The following ENO3 variants were observed in gnomAD, a reference collection of about 807,000 sequenced individuals.
The protein encoded by ENO3 is enolase 3.
Under a neutral mutation model 47.7 loss-of-function variants are expected in ENO3, and 46 were observed. The ratio of observed to expected loss-of-function variants is 0.96; its 90% confidence interval spans 0.76 to 1.23. The LOEUF is 1.23. Ranked by LOEUF, ENO3 falls within the 50% of genes most tolerant of loss-of-function variation. The pLI, the probability that ENO3 is intolerant of heterozygous loss-of-function variation, is 0.00. For synonymous variants in ENO3, 223 were observed against 225.9 expected (o/e 0.99, Z 0.11); for missense variants, 575 against 566.2 (o/e 1.02, Z -0.16).
At position 4,953,830 on chromosome 17, in the gene ENO3, C is replaced by T. The variant is rs1471513438; in HGVS notation, c.429C>T (p.Leu143=). 5 of 1,614,080 alleles carry T rather than the reference C, an allele frequency of 3.1e-6. No homozygotes were observed. The African/African-American group carries it at 5.3e-5, about 17-fold the overall frequency. The stretch of plus-strand genomic sequence containing the variant: ...CAGATCTCGCTGGGAACCCTGACCT[C>T]ATACTCCCAGTGCCAGTGAGTGCAG... ...HIADLAGNPD[L]ILPVPAFNVI... The change falls in exon 6 of 12, where the codon CTC becomes CTT. Residue 143 remains leucine (L), a synonymous_variant. Transcript: ENST00000519602.
rs754154618 is a variant in ENO3, at chr17:4,953,330, C to G, written c.299C>G (p.Thr100Ser). The G allele has an allele frequency of 2.5e-6, 4 of 1,614,122 alleles. No homozygotes were observed. The South Asian group carries it at 4.4e-5, about 18-fold the overall frequency. The change falls in exon 5 of 12, where the codon ACC becomes AGC. Residue 100 changes from threonine (T) to serine (S), a missense_variant. Physicochemically the swap from Thr to Ser is moderately conservative, Grantham distance 58 (BLOSUM62 1). Transcript: ENST00000519602. ...AAATTTATGATTGAGCTAGATGGGA[C>G]CGAGAATAAGTGTGAGTGAAGGGCT... ...VDKFMIELDG[T>S]ENKSKFGANA...
chr17:4,953,127 C>G lies in ENO3; in HGVS notation c.240+18C>G. ...TGCAAAAGGCAAGTGGGGAAGCCCG[C>G]TCGCTGCAGCCTCCTCCCCATGCCC... On this transcript the variant is annotated intron_variant, in intron 4 of 11. Coordinates refer to ENST00000519602, the MANE Select transcript of ENO3 (RefSeq NM_053013.4). 1 of 1,614,164 alleles carries G rather than the reference C, an allele frequency of 6.2e-7. No individual in the cohort carries two copies. The highest frequency in any genetic ancestry group is 8.5e-7 in the Non-Finnish European group (1 of 1,180,022).
At position 4,956,644 on chromosome 17, in the gene ENO3, T is replaced by G. The variant is rs1306533961; in HGVS notation, c.1139T>G (p.Phe380Cys). The G allele has an allele frequency of 6.2e-7, 1 of 1,614,172 alleles. No individual in the cohort carries two copies. The change falls in exon 10 of 12, where the codon TTC becomes TGC. Residue 380 changes from phenylalanine (F) to cysteine (C), a missense_variant. Phe to Cys is a radical substitution (Grantham distance 205, BLOSUM62 -2). Transcript: ENST00000519602. ...CGCTCTGGGGAGACTGAGGACACAT[T>G]CATTGCTGACCTTGTGGTGGGGCTC... ...SHRSGETEDTFIADLVVGLCT... is the reference protein window; with the variant it reads ...SHRSGETEDTCIADLVVGLCT...
chr17:4,951,031 A>AGG (rs1971525442), upstream of ENO3: 2 of 986,132 alleles, frequency 2.0e-6, no homozygotes, highest in African/African-American at 1.7e-5. Context: ...CCCAGTGTGA[A>AGG]GGGGGGAGGA....
intron 2 of ENO3, 52 bp from the exon 3 acceptor site, chr17:4,952,743 T>C: frequency 1.3e-6 from 2 of 1,551,266 alleles, no homozygotes; most frequent in Non-Finnish European, 1.8e-6. Context: ...ATTACAGGCA[T>C]GGGCCACCGC....
chr17:4,957,002 G>A lies in ENO3; in HGVS notation c.1260G>A (p.Lys420=), dbSNP rs767758917. 4 of 1,614,242 alleles carry A rather than the reference G, an allele frequency of 2.5e-6. No individual in the cohort carries two copies. In the South Asian group the frequency reaches 3.3e-5, roughly 13 times the overall value. ...GGATCGAGGAGGCTCTTGGGGACAA[G>A]GCAATCTTTGCTGGACGCAAGTTCC... ...LMRIEEALGD[K]AIFAGRKFRN... Residue 420 remains lysine (K), a synonymous_variant, in exon 12 of 12, where the codon AAG becomes AAA. Coordinates refer to ENST00000519602, the MANE Select transcript of ENO3 (RefSeq NM_053013.4).
upstream of ENO3, chr17:4,951,107 A>T: frequency 1.0e-6 from 1 of 986,528 alleles, no homozygotes; most frequent in Non-Finnish European, 1.2e-6. Flanking sequence ...GCAGCCTGAG[A>T]GGGGGTGAGC....
rs773474879 is a variant in ENO3 at position 4,953,828 on chromosome 17, C to T, written c.427C>T (p.Leu143Phe). 7 of 1,614,186 alleles carry T rather than the reference C, an allele frequency of 4.3e-6. No individual in the cohort carries two copies. Among genetic ancestry groups the T allele is most frequent in the East Asian group, 2.2e-5 (1 of 44,878 alleles). ...CGCAGATCTCGCTGGGAACCCTGAC[C>T]TCATACTCCCAGTGCCAGTGAGTGC... ...HIADLAGNPD[L>F]ILPVPAFNVI... The change falls in exon 6 of 12, where the codon CTC becomes TTC. Residue 143 changes from leucine to phenylalanine, a missense_variant. Physicochemically the swap from Leu to Phe is conservative, Grantham distance 22. Transcript: ENST00000519602.
rs1597699325 is a variant in ENO3 at position 4,953,327 on chromosome 17, G to A, written c.296G>A (p.Gly99Glu). Residue 99 changes from glycine to glutamate, a missense_variant, in exon 5 of 12, where the codon GGG (glycine) becomes GAG (glutamate). Transcript: ENST00000519602. ...GACAAATTTATGATTGAGCTAGATG[G>A]GACCGAGAATAAGTGTGAGTGAAGG... ...KVDKFMIELD[G>E]TENKSKFGAN... 6.2e-7 allele frequency: 1 copy of A among 1,614,248 alleles called. No individual in the cohort carries two copies. The highest frequency in any genetic ancestry group is 8.5e-7 in the Non-Finnish European group (1 of 1,180,048).
At chr17:4,951,665 G>A (rs982867428) in intron 1 of ENO3, 163 bp from the exon 2 acceptor site, 2 of 727,476 alleles carry the variant, frequency 2.7e-6, no homozygotes, top group Admixed American at 2.0e-5. Context: ...TTCTGAGTGG[G>A]GGAGGGGGCT....
Position 4,953,696 on chromosome 17 carries a change from G to A in ENO3, c.311-16G>A, listed in dbSNP as rs369070934. 6.8e-6 allele frequency: 11 copies of A among 1,614,206 alleles called. No homozygotes were observed. The highest frequency in any genetic ancestry group is 6.6e-5 in the South Asian group (6 of 91,078). On this transcript the variant is annotated splice_polypyrimidine_tract_variant and intron_variant, in intron 5 of 11. Transcript: ENST00000519602. ...GCAGAAGCTCTCATCCTTTCTTCCC[G>A]CTTGCCTCCTTCCAGCCAAGTTTGG...
chr17:4,949,623 G>GCGGGACGGC (rs1404835924), upstream of ENO3, among the ~76,000 whole-genome samples: 2 of 152,184 alleles, frequency 1.3e-5, no homozygotes, highest in Admixed American at 6.5e-5. Context: ...GGCGGGACGG[G>GCGGGACGGC]CGGGACGGCC....
chr17:4,954,136 A>T, intron 6 of ENO3: 1 of 500,410 alleles, frequency 2.0e-6, no homozygotes, highest in South Asian at 2.4e-5. Flanking sequence ...CACCCAAATC[A>T]TATTGAGAGT....
rs751240297 is a variant in ENO3, at chr17:4,955,170, A to G, written c.540A>G (p.Glu180=). 9 of 1,614,222 alleles carry G rather than the reference A, an allele frequency of 5.6e-6. No individual in the cohort carries two copies. Among genetic ancestry groups the G allele is most frequent in the Admixed American group, 1.7e-5 (1 of 60,022 alleles). ...CTGTGGGAGCCAGCTCCTTCAAGGAAGCCATGCGCATTGGCGCCGAGGTCT... is the reference window on the plus strand; with the variant it reads ...CTGTGGGAGCCAGCTCCTTCAAGGAGGCCATGCGCATTGGCGCCGAGGTCT... The part of the protein sequence containing the change: ...ILPVGASSFK[E]AMRIGAEVYH... The change falls in exon 7 of 12, where the codon GAA becomes GAG. Residue 180 remains glutamate, a synonymous_variant. Transcript: ENST00000519602.
At chr17:4,950,648 T>G, upstream of ENO3, 3 of 985,280 alleles carry the variant, frequency 3.0e-6, no homozygotes, top group Non-Finnish European at 3.6e-6. Flanking sequence ...CCTCTCGCCT[T>G]CTGGGGTGGG....
Position 4,956,146 on chromosome 17 carries a change from G to T in ENO3, c.1067+3G>T, listed in dbSNP as rs1286996861. On this transcript the variant is annotated splice_donor_region_variant and intron_variant, in intron 9 of 11. Coordinates refer to ENST00000519602, the MANE Select transcript of ENO3 (RefSeq NM_053013.4). ...TCGGTGACCGAATCGATCCAGGCGT[G>T]AGTGCCTCCTGACCCTGAGGCTCAC... The T allele has an allele frequency of 6.2e-7, 1 of 1,613,580 alleles. No individual in the cohort carries two copies. Among genetic ancestry groups the T allele is most frequent in the Non-Finnish European group, 8.5e-7 (1 of 1,179,876 alleles).
chr17:4,950,015 C>T (rs552142869), upstream of ENO3, among the ~76,000 whole-genome samples: 1 of 128,692 alleles, frequency 7.8e-6, no homozygotes, highest in South Asian at 2.9e-4. Flanking sequence ...GGAGACTGGA[C>T]GGGTGGCGGG....
In ENO3 at chr17:4,956,010, A is replaced by C. The variant is rs145968147; in HGVS notation, c.934A>C (p.Asn312His). ...TTGGACCTCCTTCCTCTCGGGGGTG[A>C]ACATCCAGATTGTGGGGGATGACTT... Reference protein sequence around the residue: ...ATWTSFLSGVNIQIVGDDLTV... With the variant: ...ATWTSFLSGVHIQIVGDDLTV... The change falls in exon 9 of 12, where the codon AAC becomes CAC. Residue 312 changes from asparagine (N) to histidine (H), a missense_variant. Coordinates refer to ENST00000519602, the MANE Select transcript of ENO3 (RefSeq NM_053013.4). 6.5e-5 allele frequency: 105 copies of C among 1,613,852 alleles called. 1 individual carries two copies. The Middle Eastern group carries it at 8.3e-4, about 13-fold the overall frequency.
chr17:4,956,458 C>G, intron 9 of ENO3, 115 bp from the exon 10 acceptor site: 1 of 1,017,926 alleles, frequency 9.8e-7, no homozygotes, highest in Non-Finnish European at 1.6e-6. Context: ...AACTTAGTCA[C>G]TGCCCTCCCT....
Sources: gnomAD v4.1 joint callset for allele counts (sites outside exome capture counted in the v4.1 genomes callset) on GRCh38, gnomAD v4.1.1 for gene constraint, MANE v1.5 for transcripts, NCBI Gene and HGNC (gene_info 2026-07-23, HGNC 2026-07-21) for gene names.